MAD1L1: variants seen among roughly 807,000 people sequenced by gnomAD.
The protein encoded by MAD1L1 is mitotic arrest deficient 1 like 1, also known as mitotic spindle assembly checkpoint protein MAD1.
In MAD1L1, 95 loss-of-function variants were observed where a neutral mutation model predicts 96.9. The observed-to-expected ratio is 0.98, with a 90% confidence interval of 0.83 to 1.16. The LOEUF is 1.16. Ranked by LOEUF, MAD1L1 falls within the 50% of genes most tolerant of loss-of-function variation. The probability of loss-of-function intolerance (pLI) is 0.00; values close to 1 mark genes in which losing one functional copy is unlikely to be tolerated. For missense variants in MAD1L1, 1,007 were observed against 954.4 expected (o/e 1.06, Z -0.73); for synonymous variants, 473 against 396.6 (o/e 1.19, Z -2.29).
At chr7:2,224,886 C>T (rs1300765256) in intron 4 of MAD1L1, among the ~76,000 whole-genome samples, 1 of 152,166 alleles carries the variant, frequency 6.6e-6, no homozygotes, top group East Asian at 1.9e-4. Flanking sequence ...CCCTCCAACC[C>T]CAAGACCCAG....
intron 18 of MAD1L1, chr7:1,845,254 G>A (rs777292675): frequency 2.0e-5 from 3 of 152,296 alleles, no homozygotes; most frequent in African/African-American, 4.8e-5. Context: ...AGGGCCCAGC[G>A]CTCCGGAGGG....
rs142097395 is a variant in MAD1L1, at chr7:2,146,025, C to T, written c.1073+3127G>A. On this transcript the variant is annotated intron_variant, in intron 11 of 18. Transcript: ENST00000265854. This position sits in a 1 kb window ranked among gnomAD's most constrained non-coding sequence, Gnocchi z 6.2. Reference sequence around the variant, plus strand: ...TCAGCAGAGAAGGAAAGTTACACAACACCCAGGAAGTGCATCAAGACTGCG... The same window carrying T: ...TCAGCAGAGAAGGAAAGTTACACAATACCCAGGAAGTGCATCAAGACTGCG... Among the ~76,000 whole-genome samples the T allele has an allele frequency of 6.6e-6, 1 of 152,350 alleles. No homozygotes were observed. Among genetic ancestry groups the T allele is most frequent in the African/African-American group, 2.4e-5 (1 of 41,574 alleles).
At chr7:2,231,274 G>T (rs1035876129) in intron 1 of MAD1L1, among the ~76,000 whole-genome samples, 3 of 151,948 alleles carry the variant, frequency 2.0e-5, no homozygotes, top group Non-Finnish European at 2.9e-5. Flanking sequence ...CTCCAGCCTG[G>T]GTAACGGGGT....
At chr7:1,854,512 A>C (rs533872916) in intron 18 of MAD1L1, 4 of 384,488 alleles carry the variant, frequency 1.0e-5, no homozygotes, top group Non-Finnish European at 1.6e-5. Flanking sequence ...ACTGTCTGTC[A>C]CACGGGGGAA....
At chr7:2,018,196 G>A (rs1225414793) in intron 12 of MAD1L1, among the ~76,000 whole-genome samples, 1 of 152,194 alleles carries the variant, frequency 6.6e-6, no homozygotes, top group African/African-American at 2.4e-5. Context: ...CATCCTGCCT[G>A]GACCGTAACT....
intron 3 of MAD1L1, 191 bp from the exon 4 acceptor site, chr7:2,225,741 G>A (rs993957597): frequency 3.2e-6 from 2 of 622,016 alleles, no homozygotes; most frequent in Admixed American, 6.0e-5. Context: ...AGGTGAAAAA[G>A]CCTGGGAAGA....
chr7:1,931,319 C>T (rs570755820), intron 17 of MAD1L1, among the ~76,000 whole-genome samples: 1 of 152,390 alleles, frequency 6.6e-6, no homozygotes, highest in East Asian at 1.9e-4. Flanking sequence ...CGGGCACACC[C>T]TTGCTCCTCA....
chr7:2,167,034 G>A (rs889699387), intron 10 of MAD1L1, among the ~76,000 whole-genome samples: 2 of 152,228 alleles, frequency 1.3e-5, no homozygotes, highest in Non-Finnish European at 2.9e-5. Context: ...CTAGAACCCA[G>A]GAAGGCCCCA....
At chr7:1,853,917 G>A (rs542614889) in intron 18 of MAD1L1, among the ~76,000 whole-genome samples, 9 of 152,332 alleles carry the variant, frequency 5.9e-5, no homozygotes, top group Middle Eastern at 6.8e-3. Context: ...CCTGTCAGGA[G>A]CCAGCCAGAA....
chr7:1,837,706 T>C (rs1006684892), intron 18 of MAD1L1, among the ~76,000 whole-genome samples: 1 of 152,218 alleles, frequency 6.6e-6, no homozygotes, highest in African/African-American at 2.4e-5. Flanking sequence ...TGATGCCACT[T>C]ACAGAAACTC....
intron 11 of MAD1L1, among the ~76,000 whole-genome samples, chr7:2,081,249 C>T (rs1386836810): frequency 6.6e-6 from 1 of 152,144 alleles, no homozygotes; most frequent in Non-Finnish European, 1.5e-5. Flanking sequence ...GGCCTGTGGG[C>T]AGAGGAGTCA....
chr7:1,856,406 T>G (rs1427287148), intron 18 of MAD1L1, among the ~76,000 whole-genome samples: 1 of 152,180 alleles, frequency 6.6e-6, no homozygotes, highest in Non-Finnish European at 1.5e-5. Flanking sequence ...GGGGGCCCCC[T>G]GCCTCCAGCG....
chr7:1,844,124 C>T lies in MAD1L1; in HGVS notation c.1999-27896G>A, dbSNP rs555218312. The T allele has an allele frequency of 1.4e-4, 21 of 154,618 alleles. No homozygotes were observed. The South Asian group carries it at 2.6e-3, about 19-fold the overall frequency. The allele number at this position is 154,618 out of a possible 1,614,324, so 9.6% of individuals were successfully genotyped here. ...TCCAGGTGTGTCCTGGCTGGTGTCA[C>T]GGAGCCTCACACACGGCTGAACCGC... On this transcript the variant is annotated intron_variant, in intron 18 of 18. Transcript: ENST00000265854.
chr7:2,109,868 A>C (rs1787287713), intron 11 of MAD1L1, among the ~76,000 whole-genome samples: 1 of 152,240 alleles, frequency 6.6e-6, no homozygotes, highest in African/African-American at 2.4e-5. Context: ...ATTCCTTTGA[A>C]TCCGTTTGGG....
chr7:2,042,378 C>T (rs1211109325), intron 12 of MAD1L1, among the ~76,000 whole-genome samples: 1 of 152,216 alleles, frequency 6.6e-6, no homozygotes, highest in Non-Finnish European at 1.5e-5. Flanking sequence ...AGGGCATGCA[C>T]ACGGCATTCC....
At chr7:2,161,109 G>GCCCCCCC (rs1562741689) in intron 10 of MAD1L1, among the ~76,000 whole-genome samples, 1 of 10,674 alleles carries the variant, frequency 9.4e-5, no homozygotes, top group Non-Finnish European at 1.4e-4. Flanking sequence ...TGGAGCCCCT[G>GCCCCCCC]CCCCTCCCCC....
At chr7:2,134,638 A>G (rs950985653) in intron 11 of MAD1L1, among the ~76,000 whole-genome samples, 2 of 152,204 alleles carry the variant, frequency 1.3e-5, no homozygotes, top group African/African-American at 4.8e-5. Flanking sequence ...TATGACAACA[A>G]AAAGAAAAAT....
At chr7:2,071,317 G>A (rs989695955) in intron 11 of MAD1L1, among the ~76,000 whole-genome samples, 10 of 152,230 alleles carry the variant, frequency 6.6e-5, no homozygotes, top group East Asian at 1.9e-4. Context: ...CAAGCATGGC[G>A]GGAACCCCAA....
At chr7:1,864,106 G>A (rs1471196955) in intron 18 of MAD1L1, among the ~76,000 whole-genome samples, 1 of 152,228 alleles carries the variant, frequency 6.6e-6, no homozygotes, top group Non-Finnish European at 1.5e-5. Context: ...TGGCCAGGAT[G>A]GGGACGGGGC....
Sources: gnomAD v4.1 joint callset for allele counts (sites outside exome capture counted in the v4.1 genomes callset) on GRCh38, gnomAD v4.1.1 for gene constraint, Gnocchi (gnomAD v3.1) non-coding constraint, MANE v1.5 for transcripts, NCBI Gene and HGNC (gene_info 2026-07-23, HGNC 2026-07-21) for gene names.